TMEM119: variants seen among roughly 807,000 people sequenced by gnomAD.
TMEM119 encodes transmembrane protein 119.
For missense variants in TMEM119, 410 were observed against 381.0 expected, an observed-to-expected ratio of 1.08 and a Z score of -0.63; for synonymous variants, 182 against 176.4, an observed-to-expected ratio of 1.03 and a Z score of -0.25.
intron 1 of TMEM119, among the ~76,000 whole-genome samples, chr12:108,597,259 C>T (rs560870018): frequency 1.3e-5 from 2 of 152,098 alleles, no homozygotes; most frequent in Non-Finnish European, 2.9e-5. Context: ...CGGGGGCTGC[C>T]CCACCCCCAC....
In TMEM119 at chr12:108,590,733, G is replaced by T. The variant is rs978397394; in HGVS notation, c.*799C>A. ...TCTTGTTTCCGTAGAGTGCCTCGGG[G>T]AACCTAGTTTGGGAAATGCTCATTT... On this transcript the variant is annotated 3_prime_UTR_variant, in exon 2 of 2. Transcript: ENST00000392806. 11 of 152,228 alleles carry T rather than the reference G, an allele frequency of 7.2e-5. No homozygotes were observed. Among genetic ancestry groups the T allele is most frequent in the African/African-American group, 1.2e-4 (5 of 41,446 alleles). 9.4% of individuals were successfully genotyped at this position (152,228 alleles called of 1,614,324 possible). A position where few individuals can be genotyped will look rare whatever the true frequency, so the allele number is the denominator to read the frequency against.
intron 1 of TMEM119, among the ~76,000 whole-genome samples, chr12:108,593,744 C>T (rs976795224): frequency 6.6e-6 from 1 of 152,232 alleles, no homozygotes; most frequent in Non-Finnish European, 1.5e-5. Context: ...CCAGACAGCC[C>T]GGCTGATGAA....
chr12:108,591,810 C>T lies in TMEM119; in HGVS notation c.574G>A (p.Gly192Ser), dbSNP rs1329613754. 6.3e-7 allele frequency: 1 copy of T among 1,594,650 alleles called. No individual in the cohort carries two copies. Among genetic ancestry groups the T allele is most frequent in the East Asian group, 2.2e-5 (1 of 44,636 alleles). Residue 192 changes from glycine (G) to serine (S), a missense_variant, in exon 2 of 2, where the codon GGC becomes AGC. By Grantham distance (56) the Gly-to-Ser change is moderately conservative. Coordinates refer to ENST00000392806, the MANE Select transcript of TMEM119 (RefSeq NM_181724.3). This position sits in a 1 kb window ranked among gnomAD's most constrained non-coding sequence, Gnocchi z 4.2. The part of the protein sequence containing the change: ...NLKSPTRAAL[G>S]GGDGARMVEG... ...ACCATCCTGGCTCCGTCCCCACCGC[C>T]CAGTGCAGCCCTGGTGGGGGACTTG...
chr12:108,596,529 G>A (rs1352147813), intron 1 of TMEM119, among the ~76,000 whole-genome samples: 1 of 152,164 alleles, frequency 6.6e-6, no homozygotes, highest in African/African-American at 2.4e-5. Flanking sequence ...CTGACTCTCA[G>A]AGTCCCCTGC....
At position 108,594,660 on chromosome 12, in the gene TMEM119, G is replaced by C. The variant is rs151157308; in HGVS notation, c.-14-2263C>G. 4.4e-3 allele frequency: 664 copies of C among 151,566 alleles called. 5 individuals are homozygous for C. Among genetic ancestry groups the C allele is most frequent in the Middle Eastern group, 0.01 (3 of 292 alleles). 9.4% of individuals were successfully genotyped at this position (151,566 alleles called of 1,614,324 possible). On this transcript the variant is annotated intron_variant, in intron 1 of 1. Transcript: ENST00000392806. ...CCAGGACATAAAAAGAGGCAAAATT[G>C]GCCAGGTGTGGTGGCTCACACTTGT...
chr12:108,595,566 A>G (rs2031492213), intron 1 of TMEM119, among the ~76,000 whole-genome samples: 1 of 151,586 alleles, frequency 6.6e-6, no homozygotes, highest in Non-Finnish European at 1.5e-5. Context: ...ACACACCCCT[A>G]TACACACATT....
rs2136737999 is a variant in TMEM119, at chr12:108,590,804, C to T, written c.*728G>A. On this transcript the variant is annotated 3_prime_UTR_variant, in exon 2 of 2. Transcript: ENST00000392806. ...GCAGGGGTCCTCTCACAGAAGTGTCCTAATTAACCACACACACTTCTGCTG... is the reference window on the plus strand; with the variant it reads ...GCAGGGGTCCTCTCACAGAAGTGTCTTAATTAACCACACACACTTCTGCTG... The T allele has an allele frequency of 6.6e-6, 1 of 152,310 alleles. No individual in the cohort carries two copies. The highest frequency in any genetic ancestry group is 1.5e-5 in the Non-Finnish European group (1 of 68,042). 9.4% of individuals were successfully genotyped at this position (152,310 alleles called of 1,614,324 possible).
At chr12:108,596,862 C>T (rs146141516) in intron 1 of TMEM119, among the ~76,000 whole-genome samples, 2 of 152,346 alleles carry the variant, frequency 1.3e-5, no homozygotes, top group East Asian at 3.9e-4. Flanking sequence ...ACAGCCTGCC[C>T]AGGTCACACA....
chr12:108,591,784 C>T lies in TMEM119; in HGVS notation c.600G>A (p.Val200=). Residue 200 remains valine (V), a synonymous_variant, in exon 2 of 2, where the codon GTG becomes GTA. Transcript: ENST00000392806. The surrounding 1 kb of genome is among the most constrained non-coding windows in gnomAD (Gnocchi z 4.2). ...ALGGGDGARM[V]EGRGAEEEEK... ...CCTCTTCCTCTGCGCCCCTGCCCTC[C>T]ACCATCCTGGCTCCGTCCCCACCGC... The T allele has an allele frequency of 1.3e-6, 2 of 1,593,184 alleles. No homozygotes were observed. The highest frequency in any genetic ancestry group is 3.4e-4 in the Middle Eastern group (2 of 5,930).
At chr12:108,597,658 A>G (rs1292331790) in intron 1 of TMEM119, among the ~76,000 whole-genome samples, 1 of 151,990 alleles carries the variant, frequency 6.6e-6, no homozygotes, top group Non-Finnish European at 1.5e-5. Flanking sequence ...ACACAGGACA[A>G]TACCGTCCAC....
At position 108,592,051 on chromosome 12, in the gene TMEM119, G is replaced by A. The variant is rs763405058; in HGVS notation, c.333C>T (p.Ile111=). 1.4e-5 allele frequency: 22 copies of A among 1,614,022 alleles called. No homozygotes were observed. Among genetic ancestry groups the A allele is most frequent in the African/African-American group, 6.7e-5 (5 of 74,912 alleles). The change falls in exon 2 of 2, where the codon ATC becomes ATT. Residue 111 remains isoleucine, a synonymous_variant. Transcript: ENST00000392806. The surrounding 1 kb of genome is among the most constrained non-coding windows in gnomAD (Gnocchi z 4.3). ...VGSLAFLLMF[I]VCAAVITRQK... is the part of the protein sequence containing the mutation. ...GCCGGGTGATGACCGCGGCACAGAC[G>A]ATGAACATCAGCAGAAAGGCCAGGG...
chr12:108,595,494 T>G (rs867891900), intron 1 of TMEM119, among the ~76,000 whole-genome samples: 7 of 143,040 alleles, frequency 4.9e-5, no homozygotes, highest in Non-Finnish European at 7.6e-5. Context: ...CACACAAACA[T>G]GCACACACGC....
Position 108,591,759 on chromosome 12 carries a change from C to T in TMEM119, c.625G>A (p.Glu209Lys). ...MVEGRGAEEE[E>K]KGSQEGDQEV... Reference sequence around the variant, plus strand: ...TGGTCCCCCTCCTGGCTGCCCTTCTCCTCTTCCTCTGCGCCCCTGCCCTCC... The same window carrying T: ...TGGTCCCCCTCCTGGCTGCCCTTCTTCTCTTCCTCTGCGCCCCTGCCCTCC... The change falls in exon 2 of 2, where the codon GAG becomes AAG. Residue 209 changes from glutamate to lysine, a missense_variant. By Grantham distance (56) the Glu-to-Lys change is moderately conservative. Coordinates refer to ENST00000392806, the MANE Select transcript of TMEM119 (RefSeq NM_181724.3). The surrounding 1 kb of genome is among the most constrained non-coding windows in gnomAD (Gnocchi z 4.2). 4 of 1,599,692 alleles carry T rather than the reference C, an allele frequency of 2.5e-6. No homozygotes were observed. Among genetic ancestry groups the T allele is most frequent in the Middle Eastern group, 1.7e-4 (1 of 5,966 alleles).
chr12:108,592,050 C>T lies in TMEM119; in HGVS notation c.334G>A (p.Val112Ile), dbSNP rs773723919. The T allele has an allele frequency of 9.9e-6, 16 of 1,614,042 alleles. No homozygotes were observed. The highest frequency in any genetic ancestry group is 2.2e-5 in the East Asian group (1 of 44,880). Residue 112 changes from valine (V) to isoleucine (I), a missense_variant, in exon 2 of 2, where the codon GTC becomes ATC. Coordinates refer to ENST00000392806, the MANE Select transcript of TMEM119 (RefSeq NM_181724.3). This position sits in a 1 kb window ranked among gnomAD's most constrained non-coding sequence, Gnocchi z 4.3. ...TGCCGGGTGATGACCGCGGCACAGA[C>T]GATGAACATCAGCAGAAAGGCCAGG... Reference protein sequence around the residue: ...GSLAFLLMFIVCAAVITRQKQ... With the variant: ...GSLAFLLMFIICAAVITRQKQ...
At position 108,592,207 on chromosome 12, in the gene TMEM119, G is replaced by A; in HGVS notation, c.177C>T (p.Thr59=). ...ASSPSLPPPW[T]PALSPTSMGP... is the part of the protein sequence containing the mutation. ...CCATCGATGTGGGGCTGAGGGCCGG[G>A]GTCCAGGGTGGCGGGAGGCTCGGGG... The change falls in exon 2 of 2, where the codon ACC becomes ACT. Residue 59 remains threonine, a synonymous_variant. Coordinates refer to ENST00000392806, the MANE Select transcript of TMEM119 (RefSeq NM_181724.3). The surrounding 1 kb of genome is among the most constrained non-coding windows in gnomAD (Gnocchi z 4.3). 2 of 1,613,302 alleles carry A rather than the reference G, an allele frequency of 1.2e-6. No homozygotes were observed. Among genetic ancestry groups the A allele is most frequent in the South Asian group, 1.1e-5 (1 of 91,070 alleles).
intron 1 of TMEM119, among the ~76,000 whole-genome samples, chr12:108,593,013 C>G (rs1450195491): frequency 1.3e-5 from 2 of 152,068 alleles, no homozygotes; most frequent in Non-Finnish European, 2.9e-5. Context: ...CAGTCCCCAG[C>G]CTCTCTGTGG....
At chr12:108,594,550 C>CAAAAAAAAAAAAAAAAAAAAAAAA (rs60142479) in intron 1 of TMEM119, 1 of 102,898 alleles carries the variant, frequency 9.7e-6, no homozygotes, top group African/African-American at 4.2e-5. Context: ...AAGAACCTGT[C>CAAAAAAAAAAAAAAAAAAAAAAAA]AAAAAAAAAA....
In TMEM119 at chr12:108,592,247, C is replaced by T. The variant is rs1308876384; in HGVS notation, c.137G>A (p.Gly46Asp). The change falls in exon 2 of 2, where the codon GGC becomes GAC. Residue 46 changes from glycine to aspartate, a missense_variant. Gly to Asp is a moderately conservative substitution (Grantham distance 94). Coordinates refer to ENST00000392806, the MANE Select transcript of TMEM119 (RefSeq NM_181724.3). The surrounding 1 kb of genome is among the most constrained non-coding windows in gnomAD (Gnocchi z 4.3). ...EDVAGSGEAE[G>D]SSASSPSLPP... ...GAGGCTCGGGGAGGAGGCCGACGAG[C>T]CCTCGGCCTCCCCACTACCCGCCAC... 6.3e-7 allele frequency: 1 copy of T among 1,597,276 alleles called. No homozygotes were observed. Among genetic ancestry groups the T allele is most frequent in the East Asian group, 2.3e-5 (1 of 43,980 alleles).
intron 1 of TMEM119, chr12:108,594,456 C>T (rs573787764): frequency 2.7e-5 from 4 of 146,384 alleles, no homozygotes; most frequent in South Asian, 2.2e-4. Flanking sequence ...CCGAGGAGAC[C>T]GAGGTGGGAG....
Sources: gnomAD v4.1 joint callset for allele counts (sites outside exome capture counted in the v4.1 genomes callset) on GRCh38, gnomAD v4.1.1 for gene constraint, Gnocchi (gnomAD v3.1) non-coding constraint, MANE v1.5 for transcripts, NCBI Gene and HGNC (gene_info 2026-07-23, HGNC 2026-07-21) for gene names.